The following GALM variants were observed in gnomAD, a reference collection of about 807,000 sequenced individuals.
GALM encodes the protein aldose 1-epimerase.
In GALM, 43 loss-of-function variants were observed where a neutral mutation model predicts 37.4. The ratio of observed to expected loss-of-function variants is 1.15; its 90% confidence interval spans 0.90 to 1.48. The LOEUF is 1.48. Ranked by LOEUF, GALM falls within the 40% of genes most tolerant of loss-of-function variation. The probability of loss-of-function intolerance (pLI) is 0.00; values close to 1 mark genes in which losing one functional copy is unlikely to be tolerated. For missense variants in GALM, 456 were observed against 419.1 expected, an observed-to-expected ratio of 1.09 and a Z score of -0.77; for synonymous variants, 199 against 170.6, an observed-to-expected ratio of 1.17 and a Z score of -1.30.
chr2:38,727,104 T>G (rs1398389904), intron 4 of GALM, among the ~76,000 whole-genome samples: 4 of 151,398 alleles, frequency 2.6e-5, no homozygotes, highest in Non-Finnish European at 5.9e-5. Flanking sequence ...TAATCCCATC[T>G]GTTTGGGAGG....
intron 4 of GALM, among the ~76,000 whole-genome samples, chr2:38,702,932 T>TTATATATATA (rs202010853): frequency 3.0e-5 from 4 of 134,874 alleles, no homozygotes; most frequent in African/African-American, 1.1e-4. Context: ...TATATACTTT[T>TTATATATATA]TATATATATA....
intron 1 of GALM, among the ~76,000 whole-genome samples, chr2:38,670,457 G>A (rs181702915): frequency 2.6e-5 from 4 of 152,284 alleles, no homozygotes; most frequent in East Asian, 1.9e-4. Context: ...GTTTATTGTC[G>A]CTCACGCCCA....
chr2:38,678,208 G>T (rs914441573), intron 2 of GALM, among the ~76,000 whole-genome samples: 1 of 151,954 alleles, frequency 6.6e-6, no homozygotes, highest in Non-Finnish European at 1.5e-5. Context: ...TAGAGACAGG[G>T]TTTGTTGGTC....
intron 1 of GALM, among the ~76,000 whole-genome samples, chr2:38,675,189 C>T (rs894126894): frequency 2.6e-5 from 4 of 151,836 alleles, no homozygotes; most frequent in Non-Finnish European, 5.9e-5. Flanking sequence ...ACCACCACCA[C>T]AACAAATAGT....
intron 1 of GALM, among the ~76,000 whole-genome samples, 197 bp from the exon 2 acceptor site, chr2:38,675,712 GCGC>G (rs1396169825): frequency 1.3e-5 from 2 of 151,684 alleles, no homozygotes; most frequent in Non-Finnish European, 2.9e-5. Context: ...GGGACTACAG[GCGC>G]CGGCCACCAC....
At chr2:38,708,371 G>C (rs1666083304) in intron 4 of GALM, among the ~76,000 whole-genome samples, 1 of 152,078 alleles carries the variant, frequency 6.6e-6, no homozygotes, top group Admixed American at 6.6e-5. Context: ...TGATTCATTT[G>C]CTTTAGCACA....
At chr2:38,732,659 GC>G (rs759464302) in intron 6 of GALM, among the ~76,000 whole-genome samples, 12 of 152,150 alleles carry the variant, frequency 7.9e-5, no homozygotes, top group Non-Finnish European at 1.5e-4. Flanking sequence ...GGTGGCTCAT[GC>G]CTGTAATCCC....
intron 3 of GALM, among the ~76,000 whole-genome samples, chr2:38,688,480 C>T (rs978936106): frequency 4.0e-5 from 6 of 151,602 alleles, no homozygotes; most frequent in African/African-American, 1.2e-4. Context: ...CATTGCATTC[C>T]GGCCTTGGCA....
At chr2:38,694,391 G>C (rs1665753488) in intron 4 of GALM, among the ~76,000 whole-genome samples, 1 of 152,038 alleles carries the variant, frequency 6.6e-6, no homozygotes, top group Non-Finnish European at 1.5e-5. Flanking sequence ...AGCCTCCCCA[G>C]TCCTCTCACT....
intron 4 of GALM, among the ~76,000 whole-genome samples, chr2:38,704,520 C>A (rs1345385828): frequency 2.0e-5 from 3 of 151,616 alleles, no homozygotes; most frequent in Non-Finnish European, 4.4e-5. Context: ...AAAATAGAAT[C>A]AAAAAATTAG....
chr2:38,718,191 CTTTTCT>C (rs1666307076), intron 4 of GALM, among the ~76,000 whole-genome samples: 1 of 99,996 alleles, frequency 1.0e-5, no homozygotes, highest in African/African-American at 3.4e-5. Flanking sequence ...TTCTTTTTTT[CTTTTCT>C]TTTTTTTTTT....
At chr2:38,725,373 A>C (rs943268981) in intron 4 of GALM, among the ~76,000 whole-genome samples, 2 of 151,494 alleles carry the variant, frequency 1.3e-5, no homozygotes, top group African/African-American at 4.9e-5. Context: ...CCATCTCTTC[A>C]AATAATTTAA....
chr2:38,683,587 G>A (rs1489034821), intron 3 of GALM, among the ~76,000 whole-genome samples: 1 of 150,888 alleles, frequency 6.6e-6, no homozygotes, highest in Non-Finnish European at 1.5e-5. Flanking sequence ...TTTTTTTGAG[G>A]TGGAGTTTCA....
chr2:38,727,106 T>A (rs11900577), intron 4 of GALM, among the ~76,000 whole-genome samples: 4 of 149,250 alleles, frequency 2.7e-5, no homozygotes, highest in African/African-American at 9.9e-5. Context: ...ATCCCATCTG[T>A]TTGGGAGGCT....
intron 3 of GALM, chr2:38,682,271 A>AT: frequency 2.2e-6 from 1 of 455,220 alleles, no homozygotes; most frequent in Non-Finnish European, 4.4e-6. Context: ...GGAGGATATC[A>AT]TATCAGACAG....
intron 4 of GALM, among the ~76,000 whole-genome samples, chr2:38,707,067 G>C (rs1666047817): frequency 6.6e-6 from 1 of 150,830 alleles, no homozygotes; most frequent in Non-Finnish European, 1.5e-5. Context: ...GGGCAGTAGA[G>C]ATGGGGATGT....
rs116045986 is a variant in GALM, at chr2:38,695,442, C to T, written c.634+5548C>T. ...CCCTTATGGTGGGTACTTCATTTAT[C>T]CTGGGGAGATGCTGGATAATGAGTT... On this transcript the variant is annotated intron_variant, in intron 4 of 6. Transcript: ENST00000272252. Among the ~76,000 whole-genome samples, 1,100 of 152,294 alleles carry T rather than the reference C, an allele frequency of 7.2e-3. 18 individuals are homozygous for T. The highest frequency in any genetic ancestry group is 0.024 in the African/African-American group (1,003 of 41,570).
chr2:38,675,535 T>TGTGTGTG (rs1665230525), intron 1 of GALM, among the ~76,000 whole-genome samples: 2 of 95,488 alleles, frequency 2.1e-5, no homozygotes, highest in Non-Finnish European at 2.0e-5. Flanking sequence ...TGTTTTTTTT[T>TGTGTGTG]TTTTTTTTTG....
At chr2:38,667,940 C>T (rs549642749) in intron 1 of GALM, among the ~76,000 whole-genome samples, 3 of 152,180 alleles carry the variant, frequency 2.0e-5, no homozygotes, top group African/African-American at 4.8e-5. Flanking sequence ...GCCCCATACC[C>T]GGAGGAAGAA....
Sources: allele counts gnomAD v4.1 joint callset (sites outside exome capture counted in the v4.1 genomes callset), GRCh38; gene constraint gnomAD v4.1.1; transcripts MANE v1.5; gene names NCBI Gene and HGNC (gene_info 2026-07-23, HGNC 2026-07-21).